The following NUP153 variants were observed in gnomAD, a reference collection of about 807,000 sequenced individuals.
NUP153 encodes nucleoporin 153.
A neutral mutation model predicts 134.6 loss-of-function variants in NUP153; 27 were observed. The observed-to-expected ratio is 0.20, with a 90% CI of 0.15 to 0.28. The LOEUF is 0.28. Among genes scored for constraint, NUP153 ranks in the 10% least tolerant of loss-of-function variants. The pLI, the probability that NUP153 is intolerant of heterozygous loss-of-function variation, is 1.00. For synonymous variants in NUP153, 640 were observed against 623.5 expected, an observed-to-expected ratio of 1.03 and a Z score of -0.40; for missense variants, 1,821 against 1,731.3, an observed-to-expected ratio of 1.05 and a Z score of -0.92.
chr6:17,621,417 A>C (rs989256123), intron 20 of NUP153, among the ~76,000 whole-genome samples: 3 of 152,234 alleles, frequency 2.0e-5, no homozygotes, highest in African/African-American at 7.2e-5. Flanking sequence ...TGTTTAGTGC[A>C]GCACTATTCA....
chr6:17,700,297 C>T (rs1375397921), intron 1 of NUP153, among the ~76,000 whole-genome samples: 1 of 152,154 alleles, frequency 6.6e-6, no homozygotes, highest in South Asian at 2.1e-4. Context: ...ATGCCAGGTC[C>T]TGTTCTAAAA....
At chr6:17,666,412 G>T (rs146794318) in intron 8 of NUP153, among the ~76,000 whole-genome samples, 2 of 152,238 alleles carry the variant, frequency 1.3e-5, no homozygotes, top group Admixed American at 6.5e-5. Flanking sequence ...CTATTCAGGA[G>T]GCTGAGGCAG....
At chr6:17,683,762 A>T (rs887986663) in intron 2 of NUP153, among the ~76,000 whole-genome samples, 1 of 152,146 alleles carries the variant, frequency 6.6e-6, no homozygotes, top group East Asian at 1.9e-4. Flanking sequence ...CCAGGCATTG[A>T]TGTCTCTTCT....
At chr6:17,686,021 G>A (rs569299530) in intron 2 of NUP153, among the ~76,000 whole-genome samples, 17 of 152,122 alleles carry the variant, frequency 1.1e-4, no homozygotes, top group Non-Finnish European at 1.6e-4. Context: ...GGTAGCACAC[G>A]CCTATAGTCC....
chr6:17,632,164 C>T (rs376619096), intron 17 of NUP153, among the ~76,000 whole-genome samples: 8 of 150,394 alleles, frequency 5.3e-5, no homozygotes, highest in East Asian at 4.0e-4. Flanking sequence ...CATCTGGGCG[C>T]GGTGGCTCAC....
Position 17,669,297 on chromosome 6 carries a change from T to C in NUP153, c.1010A>G (p.Asn337Ser). Residue 337 changes from asparagine (N) to serine (S), a missense_variant, in exon 7 of 22, where the codon AAT (asparagine) becomes AGT (serine). Transcript: ENST00000262077. ...AAGGTTTAAATCTCAACTTACAGAATTCAGAGGAGAAGAAACAATGGATGG... is the reference window on the plus strand; with the variant it reads ...AAGGTTTAAATCTCAACTTACAGAACTCAGAGGAGAAGAAACAATGGATGG... ...RIPSIVSSPLNSPLDRSGIDI... is the reference protein window; with the variant it reads ...RIPSIVSSPLSSPLDRSGIDI... The C allele has an allele frequency of 3.1e-6, 5 of 1,610,230 alleles. No individual in the cohort carries two copies. The highest frequency in any genetic ancestry group is 3.4e-6 in the Non-Finnish European group (4 of 1,176,746).
intron 9 of NUP153, among the ~76,000 whole-genome samples, chr6:17,662,321 T>C (rs1221291674): frequency 6.6e-6 from 1 of 152,194 alleles, no homozygotes; most frequent in Non-Finnish European, 1.5e-5. Flanking sequence ...GACAATACAC[T>C]CACTAACCTA....
rs2113785786 is a variant in NUP153, at chr6:17,638,521, A to G, written c.1847-751T>C. On this transcript the variant is annotated intron_variant, in intron 15 of 21. Coordinates refer to ENST00000262077, the MANE Select transcript of NUP153 (RefSeq NM_005124.4). The surrounding 1 kb of genome is among the most constrained non-coding windows in gnomAD (Gnocchi z 4.0). ...GCTATTTTTAGCTTAAGGACAAAAT[A>G]CCACATGCTTGAGTTATTCCCAGTG... is the stretch of plus-strand genomic sequence containing the variant. Among the ~76,000 whole-genome samples the G allele has an allele frequency of 6.6e-6, 1 of 152,342 alleles. No individual in the cohort carries two copies. Among genetic ancestry groups the G allele is most frequent in the South Asian group, 2.1e-4 (1 of 4,832 alleles).
chr6:17,685,575 A>C (rs1768876355), intron 2 of NUP153, among the ~76,000 whole-genome samples: 1 of 151,620 alleles, frequency 6.6e-6, no homozygotes, highest in South Asian at 2.1e-4. Context: ...ACTGTTATAT[A>C]AACAGTTGTC....
In NUP153 at chr6:17,616,533, G is replaced by A; in HGVS notation, c.4337C>T (p.Thr1446Ile). ...FPFNQSPAAF[T>I]VGSNGKNVFS... ...CAATAAAAAATTCTCTTACCCCACT[G>A]TAAATGCTGCTGGAGACTGGTTAAA... Residue 1446 changes from threonine (T) to isoleucine (I), a missense_variant, in exon 21 of 22, where the codon ACA becomes ATA. Transcript: ENST00000262077. The A allele has an allele frequency of 1.9e-6, 3 of 1,607,328 alleles. No homozygotes were observed. The highest frequency in any genetic ancestry group is 2.5e-6 in the Non-Finnish European group (3 of 1,177,202).
intron 13 of NUP153, among the ~76,000 whole-genome samples, chr6:17,647,198 A>T (rs978063751): frequency 2.0e-5 from 3 of 152,236 alleles, no homozygotes; most frequent in Non-Finnish European, 4.4e-5. Context: ...AAAATGACAT[A>T]TTAAAATAAT....
At chr6:17,632,622 A>C (rs776449510) in intron 17 of NUP153, 28 bp downstream of exon 17, 43 of 1,553,264 alleles carry the variant, frequency 2.8e-5, no homozygotes, top group Admixed American at 9.9e-5. Context: ...CTTTACCATC[A>C]CCTTTATTTT....
Position 17,675,922 on chromosome 6 carries a change from C to T in NUP153, c.335-152G>A, listed in dbSNP as rs1768198724. 4 of 702,520 alleles carry T rather than the reference C, an allele frequency of 5.7e-6. No individual in the cohort carries two copies. Among genetic ancestry groups the T allele is most frequent in the Non-Finnish European group, 9.4e-6 (4 of 427,350 alleles). The allele number at this position is 702,520 out of a possible 1,614,324, so 43.5% of individuals were successfully genotyped here. On this transcript the variant is annotated intron_variant, in intron 2 of 21. Transcript: ENST00000262077. This position sits in a 1 kb window ranked among gnomAD's most constrained non-coding sequence, Gnocchi z 4.4. ...ATAATAAGCCCAATATAACATACTC[C>T]TAGGCAAAACAAAGTTTCAACTAAC...
At chr6:17,673,291 C>A (rs575572977) in intron 5 of NUP153, among the ~76,000 whole-genome samples, 61 of 152,084 alleles carry the variant, frequency 4.0e-4, no homozygotes, top group Admixed American at 8.5e-4. Flanking sequence ...TTGCTTGAAC[C>A]CAGGAGGTGG....
intron 2 of NUP153, among the ~76,000 whole-genome samples, chr6:17,684,898 C>T (rs1484899782): frequency 6.6e-6 from 1 of 152,184 alleles, no homozygotes; most frequent in Non-Finnish European, 1.5e-5. Context: ...TGATTAAGTT[C>T]ATCATCTTAT....
intron 2 of NUP153, among the ~76,000 whole-genome samples, chr6:17,687,130 T>C (rs976824879): frequency 6.6e-6 from 1 of 152,140 alleles, no homozygotes; most frequent in Non-Finnish European, 1.5e-5. Context: ...ACATAAACTG[T>C]ACAGAGAATA....
At chr6:17,618,518 A>C (rs1764453216) in intron 20 of NUP153, among the ~76,000 whole-genome samples, 1 of 152,070 alleles carries the variant, frequency 6.6e-6, no homozygotes, top group Non-Finnish European at 1.5e-5. Flanking sequence ...GAAAATAAAA[A>C]AGAATACTTA....
At position 17,675,468 on chromosome 6, in the gene NUP153, C is replaced by T; in HGVS notation, c.583+54G>A. The T allele has an allele frequency of 6.3e-7, 1 of 1,585,792 alleles. No homozygotes were observed. The highest frequency in any genetic ancestry group is 1.8e-5 in the Admixed American group (1 of 55,466). Reference sequence around the variant, plus strand: ...ATTACAACCAAGTCAGAAAAAAAACCCATAAAATTTAATGTTACTACCCAA... The same window carrying T: ...ATTACAACCAAGTCAGAAAAAAAACTCATAAAATTTAATGTTACTACCCAA... On this transcript the variant is annotated intron_variant, in intron 3 of 21. Coordinates refer to ENST00000262077, the MANE Select transcript of NUP153 (RefSeq NM_005124.4). This position sits in a 1 kb window ranked among gnomAD's most constrained non-coding sequence, Gnocchi z 4.4.
intron 8 of NUP153, among the ~76,000 whole-genome samples, chr6:17,667,531 G>A (rs1261317811): frequency 2.6e-5 from 4 of 151,904 alleles, no homozygotes; most frequent in African/African-American, 7.3e-5. Flanking sequence ...TGGCTAATAC[G>A]GTGAAACCCC....
Sources: allele counts gnomAD v4.1 joint callset (sites outside exome capture counted in the v4.1 genomes callset), GRCh38; gene constraint gnomAD v4.1.1; non-coding constraint Gnocchi (gnomAD v3.1); transcripts MANE v1.5; gene names NCBI Gene and HGNC (gene_info 2026-07-23, HGNC 2026-07-21).